NDUFA5: variants seen among roughly 807,000 people sequenced by gnomAD.
The protein encoded by NDUFA5 is NADH dehydrogenase [ubiquinone] 1 alpha subcomplex subunit 5.
In NDUFA5, 11 loss-of-function variants were observed where a neutral mutation model predicts 19.8. The ratio of observed to expected loss-of-function variants is 0.56; its 90% CI spans 0.35 to 0.92. NDUFA5 has a LOEUF of 0.92. Among genes scored for constraint, NDUFA5 ranks in the 40% least tolerant of loss-of-function variants. The pLI, the probability that NDUFA5 is intolerant of heterozygous loss-of-function variation, is 0.01. For synonymous variants in NDUFA5, 47 were observed against 46.8 expected (o/e 1.00, Z -0.01); for missense variants, 109 against 134.2 (o/e 0.81, Z 0.93).
At chr7:123,567,339 T>C in the NDUFA5 span, among the ~76,000 whole-genome samples, 1 of 152,168 alleles carries the variant, frequency 6.6e-6, no homozygotes, top group African/African-American at 2.4e-5. Context: ...AGGAAGGAGA[T>C]GAATGTTGGG....
chr7:123,584,019 TC>T, the NDUFA5 span, among the ~76,000 whole-genome samples: 2 of 151,954 alleles, frequency 1.3e-5, no homozygotes, highest in Admixed American at 1.3e-4. Context: ...CCGGAGTTCA[TC>T]CCTTAAACAT....
the NDUFA5 span, among the ~76,000 whole-genome samples, chr7:123,579,277 C>T: frequency 6.6e-6 from 1 of 151,842 alleles, no homozygotes; most frequent in Non-Finnish European, 1.5e-5. Context: ...AGATATACTA[C>T]ATTTTCTTTA....
the NDUFA5 span, among the ~76,000 whole-genome samples, chr7:123,569,530 T>C: frequency 6.6e-6 from 1 of 152,182 alleles, no homozygotes; most frequent in Non-Finnish European, 1.5e-5. Context: ...TGAGATTGAC[T>C]TAAGAGACCA....
chr7:123,557,297 T>C, intron 2 of NDUFA5, 107 bp downstream of exon 2: 1 of 1,517,660 alleles, frequency 6.6e-7, no homozygotes, highest in Middle Eastern at 1.7e-4. Context: ...CGGCTTGTAA[T>C]TAAGGGCTTG....
chr7:123,586,900 T>C, the NDUFA5 span, among the ~76,000 whole-genome samples: 4 of 151,712 alleles, frequency 2.6e-5, no homozygotes, highest in African/African-American at 4.8e-5. Flanking sequence ...TCTCTTTTGA[T>C]GTGTCTGTTT....
the NDUFA5 span, among the ~76,000 whole-genome samples, chr7:123,598,158 G>C: frequency 1.3e-5 from 2 of 151,882 alleles, no homozygotes; most frequent in Admixed American, 1.3e-4. Context: ...CAAATGCAAT[G>C]GTTTCCCTCA....
the NDUFA5 span, among the ~76,000 whole-genome samples, chr7:123,583,370 G>T: frequency 1.3e-5 from 2 of 152,034 alleles, no homozygotes; most frequent in Non-Finnish European, 2.9e-5. Flanking sequence ...CGGGAAACTG[G>T]AATTGATAAC....
At chr7:123,552,712 A>G (rs1022788995) in intron 2 of NDUFA5, among the ~76,000 whole-genome samples, 10 of 151,818 alleles carry the variant, frequency 6.6e-5, no homozygotes, top group Non-Finnish European at 1.5e-4. Flanking sequence ...AAAAAAGCAG[A>G]TAAGCTAGAA....
Position 123,538,687 on chromosome 7 carries a change from C to A in NDUFA5, c.*3432G>T, listed in dbSNP as rs1797825357. On this transcript the variant is annotated 3_prime_UTR_variant, in exon 5 of 5. Coordinates refer to ENST00000355749, the MANE Select transcript of NDUFA5 (RefSeq NM_005000.5). The stretch of plus-strand genomic sequence containing the variant: ...TTATAGGTGTGAGCCACCACGCCTC[C>A]CTACTGAACACTTAGTTTTAATGGG... 1 of 152,192 alleles carries A rather than the reference C, an allele frequency of 6.6e-6. No homozygotes were observed. Among genetic ancestry groups the A allele is most frequent in the Admixed American group, 6.5e-5 (1 of 15,280 alleles). 9.4% of individuals were successfully genotyped at this position (152,192 alleles called of 1,614,324 possible). A position where few individuals can be genotyped will look rare whatever the true frequency, so the allele number is the denominator to read the frequency against.
chr7:123,579,104 T>C, the NDUFA5 span, among the ~76,000 whole-genome samples: 1 of 152,038 alleles, frequency 6.6e-6, no homozygotes. Context: ...ATTGTATCCA[T>C]CTTTATGTCC....
the NDUFA5 span, among the ~76,000 whole-genome samples, chr7:123,598,424 T>C: frequency 6.6e-6 from 1 of 152,190 alleles, no homozygotes; most frequent in East Asian, 1.9e-4. Flanking sequence ...TTCTCTCCTT[T>C]TAATCCAAGT....
the NDUFA5 span, among the ~76,000 whole-genome samples, chr7:123,597,105 G>A: frequency 1.6e-4 from 24 of 152,242 alleles, no homozygotes; most frequent in South Asian, 4.1e-4. Flanking sequence ...AATATTAAAC[G>A]AAAAATCCTA....
At chr7:123,557,358 G>A (rs1798596885) in intron 2 of NDUFA5, 46 bp downstream of exon 2, 2 of 1,612,030 alleles carry the variant, frequency 1.2e-6, no homozygotes, top group African/African-American at 2.7e-5. Context: ...CAGGAATTTA[G>A]TCTTCCTTGG....
chr7:123,587,030 A>C, the NDUFA5 span, among the ~76,000 whole-genome samples: 1 of 151,664 alleles, frequency 6.6e-6, no homozygotes, highest in Non-Finnish European at 1.5e-5. Flanking sequence ...GGTCTTTCTC[A>C]AGATTGATTT....
At chr7:123,590,875 T>C in the NDUFA5 span, among the ~76,000 whole-genome samples, 2 of 152,298 alleles carry the variant, frequency 1.3e-5, no homozygotes, top group South Asian at 2.1e-4. Context: ...ATTGAATCTA[T>C]AAATTACCTT....
chr7:123,557,430 ATCCC>A lies in NDUFA5; in HGVS notation c.36_39del (p.Gly13TrpfsTer11). On this transcript the variant is annotated frameshift_variant, in exon 2 of 5. Coordinates refer to ENST00000355749, the MANE Select transcript of NDUFA5 (RefSeq NM_005000.5). LOFTEE classifies it high-confidence loss of function. ...TCGTGAGGAGTATTGCACACAGCCA[ATCCC>A]ACAAGGCCAGTGGTCTGTTCAAAAA... 1.2e-6 allele frequency: 2 copies of A among 1,613,118 alleles called. No individual in the cohort carries two copies. The highest frequency in any genetic ancestry group is 1.7e-6 in the Non-Finnish European group (2 of 1,179,580).
Position 123,552,601 on chromosome 7 carries a change from G to A in NDUFA5, c.67-2015C>T, listed in dbSNP as rs191903781. Among the ~76,000 whole-genome samples, 34 of 133,094 alleles carry A rather than the reference G, an allele frequency of 2.6e-4. 2 individuals carry two copies. The East Asian group carries it at 4.3e-3, about 17-fold the overall frequency. 87.3% of individuals were successfully genotyped at this position (133,094 alleles called of 152,430 possible). On this transcript the variant is annotated intron_variant, in intron 2 of 4. Transcript: ENST00000355749. ...GTATACCTATGTAACAAACCTGCACGTTCTGCACATGTACCCCAGAACTTA... is the reference window on the plus strand; with the variant it reads ...GTATACCTATGTAACAAACCTGCACATTCTGCACATGTACCCCAGAACTTA...
At position 123,557,627 on chromosome 7, in the gene NDUFA5, G is replaced by T. The variant is rs748612518; in HGVS notation, c.21+148C>A. On this transcript the variant is annotated intron_variant, in intron 1 of 4. Transcript: ENST00000355749. The stretch of plus-strand genomic sequence containing the variant: ...ACTCTCGGAGCGGAACCACTAACCT[G>T]CCCTACCCGGTAAGGCATGCAGAAC... The T allele has an allele frequency of 2.5e-6, 4 of 1,613,394 alleles. No homozygotes were observed. In the African/African-American group the frequency reaches 5.3e-5, roughly 22 times the overall value.
At chr7:123,568,926 A>G in the NDUFA5 span, among the ~76,000 whole-genome samples, 11 of 152,248 alleles carry the variant, frequency 7.2e-5, no homozygotes, top group South Asian at 2.1e-4. Flanking sequence ...CTCGTCCAAC[A>G]TACAATGACC....
Sources: allele counts gnomAD v4.1 joint callset (sites outside exome capture counted in the v4.1 genomes callset), GRCh38; gene constraint gnomAD v4.1.1; transcripts MANE v1.5; gene names NCBI Gene and HGNC (gene_info 2026-07-23, HGNC 2026-07-21).